Variants in CDH18 observed in about 807,000 individuals in gnomAD.
The protein encoded by CDH18 is cadherin 18.
Under a neutral mutation model 67.9 loss-of-function variants are expected in CDH18, and 31 were observed. That is an observed-to-expected ratio of 0.46 (90% CI 0.34 to 0.62). The LOEUF is 0.62. CDH18 is among the 20% of genes least tolerant of loss of function. CDH18 has a pLI of 0.01. For missense variants in CDH18, 890 were observed against 975.5 expected, an observed-to-expected ratio of 0.91 and a Z score of 1.17; for synonymous variants, 362 against 347.2, an observed-to-expected ratio of 1.04 and a Z score of -0.48.
intron 10 of CDH18, among the ~76,000 whole-genome samples, chr5:19,518,085 G>T (rs1442678958): frequency 6.6e-5 from 10 of 151,770 alleles, no homozygotes; most frequent in Non-Finnish European, 1.5e-5. Context: ...AATAAAATTT[G>T]CTGAATATTT....
intron 10 of CDH18, among the ~76,000 whole-genome samples, chr5:19,512,846 G>A (rs1050664252): frequency 1.1e-4 from 17 of 151,546 alleles, no homozygotes; most frequent in Admixed American, 7.9e-4. Context: ...ATCTATGATC[G>A]TGCAGAGAAT....
At chr5:20,528,853 C>A (rs1343295302) in intron 1 of CDH18, among the ~76,000 whole-genome samples, 1 of 151,906 alleles carries the variant, frequency 6.6e-6, no homozygotes, top group African/African-American at 2.4e-5. Context: ...CAAGAACAAA[C>A]AAACCCCAGA....
intron 1 of CDH18, among the ~76,000 whole-genome samples, chr5:20,400,067 A>G (rs1040584404): frequency 2.0e-5 from 3 of 152,206 alleles, no homozygotes; most frequent in Non-Finnish European, 1.5e-5. Context: ...GCTGTGTGGT[A>G]TCTGGACAAA....
At chr5:20,269,441 T>G (rs1745277245) in intron 1 of CDH18, among the ~76,000 whole-genome samples, 1 of 152,172 alleles carries the variant, frequency 6.6e-6, no homozygotes, top group Non-Finnish European at 1.5e-5. Flanking sequence ...CACAGCACTA[T>G]TCACAATAGA....
At chr5:20,378,139 C>T (rs931591799) in intron 1 of CDH18, among the ~76,000 whole-genome samples, 1 of 152,130 alleles carries the variant, frequency 6.6e-6, no homozygotes, top group African/African-American at 2.4e-5. Flanking sequence ...ATGCTCTTCT[C>T]AGTTAACGTC....
chr5:20,157,883 G>A (rs536357187), intron 2 of CDH18, among the ~76,000 whole-genome samples: 1 of 151,882 alleles, frequency 6.6e-6, no homozygotes, highest in Non-Finnish European at 1.5e-5. Flanking sequence ...CTTGTGATCT[G>A]CCCTCCTTGG....
At chr5:19,658,975 A>C (rs568168612) in intron 5 of CDH18, among the ~76,000 whole-genome samples, 1 of 152,118 alleles carries the variant, frequency 6.6e-6, no homozygotes, top group Non-Finnish European at 1.5e-5. Flanking sequence ...AGCCATAAAA[A>C]ATGATGAGTT....
rs1745717580 is a variant in CDH18 at position 20,400,960 on chromosome 5, A to T, written c.-579-145455T>A. Reference sequence around the variant, plus strand: ...AGTGCCCATTCAGACACCACACCTTACTTATTCTTTACTCATACTGACTTT... The same window carrying T: ...AGTGCCCATTCAGACACCACACCTTTCTTATTCTTTACTCATACTGACTTT... On this transcript the variant is annotated intron_variant, in intron 1 of 14. Transcript: ENST00000507958. Among the ~76,000 whole-genome samples the T allele has an allele frequency of 1.3e-5, 2 of 152,108 alleles. 1 individual carries two copies. The highest frequency in any genetic ancestry group is 4.1e-4 in the South Asian group (2 of 4,836).
chr5:19,605,628 G>C (rs1443869644), intron 6 of CDH18, among the ~76,000 whole-genome samples: 1 of 151,976 alleles, frequency 6.6e-6, no homozygotes, highest in African/African-American at 2.4e-5. Flanking sequence ...AACTCTAAAA[G>C]ATGCATAGTA....
At chr5:20,346,138 A>T (rs1740676479) in intron 1 of CDH18, among the ~76,000 whole-genome samples, 1 of 152,032 alleles carries the variant, frequency 6.6e-6, no homozygotes, top group Non-Finnish European at 1.5e-5. Flanking sequence ...ACATGGGGGG[A>T]CTACCCACCT....
chr5:19,982,198 C>T (rs1179865355), intron 1 of CDH18, among the ~76,000 whole-genome samples: 2 of 152,110 alleles, frequency 1.3e-5, no homozygotes, highest in Non-Finnish European at 2.9e-5. Context: ...GCTTTCCCAT[C>T]TATTGCTAAG....
chr5:19,950,110 T>TAA (rs1169501958), intron 2 of CDH18, among the ~76,000 whole-genome samples: 4 of 151,650 alleles, frequency 2.6e-5, no homozygotes, highest in Non-Finnish European at 1.5e-5. Flanking sequence ...CACAGTGGAA[T>TAA]AATTGGAATA....
intron 3 of CDH18, among the ~76,000 whole-genome samples, chr5:19,833,592 T>C (rs1781297787): frequency 6.6e-6 from 1 of 152,194 alleles, no homozygotes; most frequent in African/African-American, 2.4e-5. Context: ...CATCGTTGTC[T>C]TGTATTAGTT....
chr5:19,905,342 T>C (rs1231082277), intron 2 of CDH18, among the ~76,000 whole-genome samples: 1 of 152,108 alleles, frequency 6.6e-6, no homozygotes, highest in Non-Finnish European at 1.5e-5. Context: ...ATTCTAACAG[T>C]GGCTTACAAA....
At chr5:20,292,415 C>G (rs1747172578) in intron 1 of CDH18, among the ~76,000 whole-genome samples, 1 of 152,124 alleles carries the variant, frequency 6.6e-6, no homozygotes, top group African/African-American at 2.4e-5. Flanking sequence ...GCTGAGTGTC[C>G]AGAATGCCCT....
chr5:20,236,370 G>GA (rs1742475475), intron 2 of CDH18, among the ~76,000 whole-genome samples: 1 of 151,368 alleles, frequency 6.6e-6, no homozygotes. Flanking sequence ...AGTAATGAAA[G>GA]AAAAAAATCC....
chr5:20,089,257 C>A (rs1011304982), intron 2 of CDH18, among the ~76,000 whole-genome samples: 1 of 151,676 alleles, frequency 6.6e-6, no homozygotes, highest in Non-Finnish European at 1.5e-5. Flanking sequence ...ATTTTTTTAT[C>A]CTATTGAATA....
At chr5:20,429,030 G>A (rs759294266) in intron 1 of CDH18, among the ~76,000 whole-genome samples, 1 of 151,794 alleles carries the variant, frequency 6.6e-6, no homozygotes, top group Non-Finnish European at 1.5e-5. Context: ...GGGTAGGTGA[G>A]TGTAAAAGAG....
chr5:19,493,024 C>A (rs1050487349), intron 11 of CDH18, among the ~76,000 whole-genome samples: 2 of 152,094 alleles, frequency 1.3e-5, no homozygotes, highest in African/African-American at 4.8e-5. Context: ...TTTTTCCAAC[C>A]AAGTAATTGA....
Sources: allele counts gnomAD v4.1 joint callset (sites outside exome capture counted in the v4.1 genomes callset), GRCh38; gene constraint gnomAD v4.1.1; transcripts MANE v1.5; gene names NCBI Gene and HGNC (gene_info 2026-07-23, HGNC 2026-07-21).